GNA14: variants seen among roughly 807,000 people sequenced by gnomAD.
GNA14 encodes guanine nucleotide-binding protein subunit alpha-14.
In GNA14, 50 loss-of-function variants were observed where a neutral mutation model predicts 42.0. That is an observed-to-expected ratio of 1.19 (90% CI 0.95 to 1.51). GNA14 has a LOEUF of 1.51. Among genes scored for constraint, GNA14 ranks in the 40% most tolerant of loss-of-function variants. GNA14 has a pLI of 0.00. For missense variants in GNA14, 473 were observed against 446.2 expected (o/e 1.06, Z -0.54); for synonymous variants, 173 against 163.1 (o/e 1.06, Z -0.46).
chr9:77,583,614 T>G (rs896023260), intron 1 of GNA14, among the ~76,000 whole-genome samples: 1 of 152,232 alleles, frequency 6.6e-6, no homozygotes, highest in Non-Finnish European at 1.5e-5. Context: ...CTAACTCCTG[T>G]GTCTACAAGC....
At chr9:77,496,548 C>A (rs1424843369) in intron 2 of GNA14, among the ~76,000 whole-genome samples, 1 of 152,184 alleles carries the variant, frequency 6.6e-6, no homozygotes, top group African/African-American at 2.4e-5. Context: ...AGGTCCAGGG[C>A]TGTGGGTTGC....
intron 1 of GNA14, among the ~76,000 whole-genome samples, chr9:77,594,390 G>T (rs1347840864): frequency 6.6e-6 from 1 of 152,204 alleles, no homozygotes; most frequent in Non-Finnish European, 1.5e-5. Flanking sequence ...CTCCGAGTGT[G>T]GAAGGAAAAG....
Position 77,425,650 on chromosome 9 carries a change from C to G in GNA14, c.789G>C (p.Ser263=), listed in dbSNP as rs1801259. Residue 263 remains serine (S), a synonymous_variant, in exon 6 of 7, where the codon TCG becomes TCC. Coordinates refer to ENST00000341700, the MANE Select transcript of GNA14 (RefSeq NM_004297.4). ...TIITYPWFLN[S]SVILFLNKKD... ...TCTTGTTCAAGAATAAAATCACAGACGAATTCAGAAACCAGGGGTAGGTGA... is the reference window on the plus strand; with the variant it reads ...TCTTGTTCAAGAATAAAATCACAGAGGAATTCAGAAACCAGGGGTAGGTGA... The G allele has an allele frequency of 3.0e-4, 481 of 1,607,748 alleles. 1 individual carries two copies. In the African/African-American group the frequency reaches 5.9e-3, roughly 20 times the overall value.
At chr9:77,597,767 A>G (rs926719604) in intron 1 of GNA14, among the ~76,000 whole-genome samples, 2 of 152,050 alleles carry the variant, frequency 1.3e-5, no homozygotes, top group African/African-American at 4.8e-5. Flanking sequence ...ATTTTCTATT[A>G]AAAAACTTTT....
At chr9:77,569,547 A>T (rs1823027877) in intron 1 of GNA14, among the ~76,000 whole-genome samples, 1 of 152,104 alleles carries the variant, frequency 6.6e-6, no homozygotes, top group Non-Finnish European at 1.5e-5. Flanking sequence ...TCAGAGGGAG[A>T]CAACTCCACA....
intron 1 of GNA14, among the ~76,000 whole-genome samples, chr9:77,631,324 T>C (rs867924865): frequency 1.3e-5 from 2 of 152,146 alleles, no homozygotes; most frequent in Admixed American, 6.5e-5. Context: ...CATCATCACA[T>C]GGCCACAATT....
chr9:77,516,736 C>T (rs1267508320), intron 2 of GNA14, among the ~76,000 whole-genome samples: 17 of 74,652 alleles, frequency 2.3e-4, no homozygotes, highest in Non-Finnish European at 3.1e-4. Flanking sequence ...GGGTGGGGGG[C>T]GGTAGGGGGC....
At chr9:77,452,566 G>GTGCA (rs1835922965) in intron 2 of GNA14, among the ~76,000 whole-genome samples, 3 of 9,712 alleles carry the variant, frequency 3.1e-4, no homozygotes, top group South Asian at 6.3e-3. Flanking sequence ...GTGTGTGTGT[G>GTGCA]TGTGTATGTG....
At chr9:77,500,015 T>C (rs544179995) in intron 2 of GNA14, among the ~76,000 whole-genome samples, 2 of 152,026 alleles carry the variant, frequency 1.3e-5, no homozygotes, top group South Asian at 2.1e-4. Flanking sequence ...AAATTTCTGA[T>C]AATTTCTTTT....
intron 1 of GNA14, among the ~76,000 whole-genome samples, chr9:77,549,816 G>A (rs1488879984): frequency 2.0e-5 from 3 of 152,124 alleles, no homozygotes; most frequent in African/African-American, 7.2e-5. Flanking sequence ...ACAGGCCCAA[G>A]GGACCGTGCC....
At chr9:77,537,668 T>C (rs1267791915) in intron 1 of GNA14, among the ~76,000 whole-genome samples, 3 of 152,238 alleles carry the variant, frequency 2.0e-5, no homozygotes, top group African/African-American at 4.8e-5. Flanking sequence ...CTGTTTTCCA[T>C]AGTGGTTATA....
intron 1 of GNA14, among the ~76,000 whole-genome samples, chr9:77,646,831 C>T (rs1451425080): frequency 1.3e-5 from 2 of 152,202 alleles, no homozygotes; most frequent in Non-Finnish European, 2.9e-5. Context: ...ATAACTTGGG[C>T]AAACCTTAAA....
At chr9:77,534,021 G>A (rs994766647) in intron 1 of GNA14, among the ~76,000 whole-genome samples, 7 of 152,156 alleles carry the variant, frequency 4.6e-5, no homozygotes, top group Admixed American at 2.0e-4. Context: ...TATGTCACCT[G>A]TGTGATTATT....
rs557122154 is a variant in GNA14, at chr9:77,436,547, G to A, written c.310-2025C>T. On this transcript the variant is annotated intron_variant, in intron 2 of 6. Coordinates refer to ENST00000341700, the MANE Select transcript of GNA14 (RefSeq NM_004297.4). ...CACGGACCCTATTCTTGGCTGGCGA[G>A]AATGATGGATGGAGAACCTGGACAG... Among the ~76,000 whole-genome samples, 31 of 152,302 alleles carry A rather than the reference G, an allele frequency of 2.0e-4. 1 individual carries two copies. The highest frequency in any genetic ancestry group is 2.6e-4 in the Admixed American group (4 of 15,304).
chr9:77,450,612 C>A (rs773344424), intron 2 of GNA14, among the ~76,000 whole-genome samples: 2 of 151,666 alleles, frequency 1.3e-5, no homozygotes, highest in African/African-American at 2.4e-5. Context: ...CATCTGAGAT[C>A]GAACAAGCTC....
At chr9:77,629,646 G>T (rs772000947) in intron 1 of GNA14, among the ~76,000 whole-genome samples, 3 of 152,214 alleles carry the variant, frequency 2.0e-5, no homozygotes, top group Admixed American at 2.0e-4. Context: ...ACCAAACATC[G>T]CATGTTCTCA....
At chr9:77,567,360 T>C in intron 1 of GNA14, among the ~76,000 whole-genome samples, 1 of 152,234 alleles carries the variant, frequency 6.6e-6, no homozygotes, top group South Asian at 2.1e-4. Context: ...AGGTAAATTC[T>C]AACCCTTATC....
At chr9:77,640,051 G>A (rs1391474552) in intron 1 of GNA14, among the ~76,000 whole-genome samples, 3 of 152,182 alleles carry the variant, frequency 2.0e-5, no homozygotes, top group Non-Finnish European at 1.5e-5. Flanking sequence ...CATGATACAT[G>A]TCCCCTGGCC....
intron 1 of GNA14, among the ~76,000 whole-genome samples, chr9:77,535,201 G>T (rs1837579031): frequency 6.6e-6 from 1 of 152,210 alleles, no homozygotes; most frequent in Non-Finnish European, 1.5e-5. Flanking sequence ...TGCAGCAGGA[G>T]TTTCTGCACC....
Sources: allele counts gnomAD v4.1 joint callset (sites outside exome capture counted in the v4.1 genomes callset), GRCh38; gene constraint gnomAD v4.1.1; transcripts MANE v1.5; gene names NCBI Gene and HGNC (gene_info 2026-07-23, HGNC 2026-07-21).